The following RASSF6 variants were observed in gnomAD, a reference collection of about 807,000 sequenced individuals.
RASSF6 encodes ras association domain-containing protein 6.
A neutral mutation model predicts 44.0 loss-of-function variants in RASSF6; 52 were observed. The ratio of observed to expected loss-of-function variants is 1.18; its 90% CI spans 0.95 to 1.49. The LOEUF (loss-of-function observed/expected upper bound fraction) is 1.49, where lower values mean the gene tolerates loss of function less well. RASSF6 is among the 40% of genes most tolerant of loss of function. RASSF6 has a pLI of 0.00. For synonymous variants in RASSF6, 162 were observed against 124.6 expected (o/e 1.30, Z -2.00); for missense variants, 464 against 393.3 (o/e 1.18, Z -1.52).
rs16849729 is a variant in RASSF6 at position 73,605,513 on chromosome 4, A to G, written c.65+6218T>C. On this transcript the variant is annotated intron_variant, in intron 2 of 10. Coordinates refer to ENST00000307439, the MANE Select transcript of RASSF6 (RefSeq NM_177532.5). ...TCCAGGTCTTTTCGCTTTTGGCCTC[A>G]TCTGGTTCAAATGATGAAGAAAGAA... Among the ~76,000 whole-genome samples the G allele has an allele frequency of 8.9e-4, 135 of 152,330 alleles. 1 individual carries two copies. The highest frequency in any genetic ancestry group is 3.1e-3 in the African/African-American group (130 of 41,580).
At chr4:73,608,956 G>T (rs1408024056) in intron 2 of RASSF6, among the ~76,000 whole-genome samples, 1 of 152,222 alleles carries the variant, frequency 6.6e-6, no homozygotes, top group Non-Finnish European at 1.5e-5. Context: ...TTCAACAAAG[G>T]TTGCTGGCCA....
chr4:73,579,399 T>C (rs1442284973), intron 8 of RASSF6, among the ~76,000 whole-genome samples: 1 of 152,198 alleles, frequency 6.6e-6, no homozygotes, highest in Non-Finnish European at 1.5e-5. Context: ...TTTTCACTAG[T>C]GTTGCATAAA....
intron 4 of RASSF6, among the ~76,000 whole-genome samples, chr4:73,590,294 G>A (rs891222978): frequency 4.6e-5 from 7 of 152,102 alleles, no homozygotes; most frequent in Non-Finnish European, 7.4e-5. Flanking sequence ...CAATGATTCC[G>A]TCAAAGAGAG....
intron 1 of RASSF6, among the ~76,000 whole-genome samples, chr4:73,612,596 T>C (rs1486312683): frequency 2.0e-5 from 3 of 151,900 alleles, no homozygotes; most frequent in East Asian, 3.9e-4. Context: ...GGAAATTATA[T>C]GTCCTAACTC....
At chr4:73,613,191 G>A (rs1726140185) in intron 1 of RASSF6, among the ~76,000 whole-genome samples, 1 of 152,124 alleles carries the variant, frequency 6.6e-6, no homozygotes, top group East Asian at 1.9e-4. Context: ...AGTTGGAAAT[G>A]GCATCCTCTG....
intron 8 of RASSF6, among the ~76,000 whole-genome samples, chr4:73,581,218 T>C (rs1322086357): frequency 3.9e-5 from 6 of 152,158 alleles, no homozygotes; most frequent in Non-Finnish European, 7.4e-5. Flanking sequence ...AAATTTTTCA[T>C]TTGTGAAGTT....
chr4:73,615,013 G>T lies in RASSF6; in HGVS notation c.-34-3184C>A, dbSNP rs183187799. The stretch of plus-strand genomic sequence containing the variant: ...AAGTCCCATTGTTAGTATTAACAGT[G>T]AAGTGAAATACAAAAGTTAGCCGGG... On this transcript the variant is annotated intron_variant, in intron 1 of 10. Transcript: ENST00000307439. 2.0e-5 allele frequency among the ~76,000 whole-genome samples: 3 copies of T among 151,982 alleles called. 1 individual carries two copies. Among genetic ancestry groups the T allele is most frequent in the African/African-American group, 7.2e-5 (3 of 41,496 alleles).
intron 1 of RASSF6, among the ~76,000 whole-genome samples, chr4:73,617,384 A>G (rs1377814275): frequency 7.2e-5 from 11 of 152,196 alleles, no homozygotes. Flanking sequence ...AATTTGTATT[A>G]AGGCACTTAA....
At chr4:73,593,789 C>T (rs937361959) in intron 3 of RASSF6, among the ~76,000 whole-genome samples, 196 bp from the exon 4 acceptor site, 1 of 152,328 alleles carries the variant, frequency 6.6e-6, no homozygotes, top group African/African-American at 2.4e-5. Context: ...TTGAAAACAG[C>T]TATACCCAGC....
intron 2 of RASSF6, among the ~76,000 whole-genome samples, chr4:73,608,184 T>C (rs915902843): frequency 5.3e-5 from 8 of 151,726 alleles, no homozygotes; most frequent in Non-Finnish European, 1.2e-4. Context: ...GTGATATATT[T>C]CTGGAGTCTG....
At chr4:73,580,141 C>T (rs1053241996) in intron 8 of RASSF6, among the ~76,000 whole-genome samples, 20 of 149,968 alleles carry the variant, frequency 1.3e-4, no homozygotes, top group Admixed American at 4.7e-4. Context: ...TTTGTTCTTG[C>T]GATAGTTTAC....
chr4:73,583,073 C>T (rs569639368), intron 6 of RASSF6, among the ~76,000 whole-genome samples: 3 of 152,050 alleles, frequency 2.0e-5, no homozygotes, highest in South Asian at 2.1e-4. Context: ...ATATGTTGTA[C>T]ACGTGGTTTG....
At chr4:73,613,948 G>A (rs1319150089) in intron 1 of RASSF6, among the ~76,000 whole-genome samples, 1 of 152,098 alleles carries the variant, frequency 6.6e-6, no homozygotes, top group East Asian at 1.9e-4. Flanking sequence ...TTGAGCTCCA[G>A]ACGCATGTCA....
At chr4:73,583,959 A>C (rs1428301625) in intron 6 of RASSF6, among the ~76,000 whole-genome samples, 8 of 152,102 alleles carry the variant, frequency 5.3e-5, no homozygotes. Context: ...CAAGTGATCC[A>C]ATCTGAAAGC....
chr4:73,614,783 C>A lies in RASSF6; in HGVS notation c.-34-2954G>T, dbSNP rs573799230. ...AGATGTGATGAAAGGGTTTCCAAGG[C>A]TCTTATATTATTTTCTGACTTTAGG... is the stretch of plus-strand genomic sequence containing the variant. On this transcript the variant is annotated intron_variant, in intron 1 of 10. Transcript: ENST00000307439. Among the ~76,000 whole-genome samples the A allele has an allele frequency of 4.6e-5, 7 of 152,228 alleles. No homozygotes were observed. In the East Asian group the frequency reaches 1.2e-3, roughly 25 times the overall value.
In RASSF6 at chr4:73,618,408, T is replaced by C. The variant is rs540888344; in HGVS notation, c.-35+1880A>G. Among the ~76,000 whole-genome samples the C allele has an allele frequency of 2.0e-5, 3 of 152,150 alleles. No individual in the cohort carries two copies. The East Asian group carries it at 5.8e-4, about 29-fold the overall frequency. On this transcript the variant is annotated intron_variant, in intron 1 of 10. Coordinates refer to ENST00000307439, the MANE Select transcript of RASSF6 (RefSeq NM_177532.5). ...CAATTTCAAATATGGTTAAATAAAT[T>C]TATCTCAATTGGGGCTACTATTCTT...
intron 1 of RASSF6, among the ~76,000 whole-genome samples, chr4:73,614,253 G>A (rs111330301): frequency 1.4e-4 from 21 of 152,222 alleles, no homozygotes; most frequent in Admixed American, 3.9e-4. Flanking sequence ...GGATTATTGC[G>A]TCAGCCTACT....
intron 1 of RASSF6, among the ~76,000 whole-genome samples, chr4:73,612,337 G>T (rs376687459): frequency 2.0e-5 from 3 of 152,066 alleles, no homozygotes; most frequent in Admixed American, 6.5e-5. Flanking sequence ...TGGCATTAGG[G>T]TGTGACCAGA....
intron 1 of RASSF6, among the ~76,000 whole-genome samples, chr4:73,618,051 C>A (rs1726469102): frequency 6.6e-6 from 1 of 151,960 alleles, no homozygotes. Flanking sequence ...AAACAAGAAT[C>A]AGGTATAGAA....
Sources: gnomAD v4.1 joint callset for allele counts (sites outside exome capture counted in the v4.1 genomes callset) on GRCh38, gnomAD v4.1.1 for gene constraint, MANE v1.5 for transcripts, NCBI Gene and HGNC (gene_info 2026-07-23, HGNC 2026-07-21) for gene names.